Variants in HOMER1 observed in about 807,000 individuals in gnomAD.
HOMER1 encodes the protein homer scaffold protein 1.
HOMER1 carries 3 observed loss-of-function variants against 48.9 expected under a neutral mutation model. That is an observed-to-expected ratio of 0.06 (90% CI 0.03 to 0.16). HOMER1 has a LOEUF of 0.16. Ranked by LOEUF, HOMER1 falls within the 10% of genes least tolerant of loss-of-function variation. The pLI, the probability that HOMER1 is intolerant of heterozygous loss-of-function variation, is 1.00. For missense variants in HOMER1, 247 were observed against 411.4 expected (o/e 0.60, Z 3.46); for synonymous variants, 134 against 146.4 (o/e 0.92, Z 0.61).
chr5:79,468,930 G>A (rs1235157778), intron 1 of HOMER1, among the ~76,000 whole-genome samples: 1 of 152,162 alleles, frequency 6.6e-6, no homozygotes, highest in Non-Finnish European at 1.5e-5. Context: ...AGCTATTCAT[G>A]TATTTCTGGG....
At chr5:79,471,344 A>G (rs1751609261) in intron 1 of HOMER1, among the ~76,000 whole-genome samples, 1 of 151,928 alleles carries the variant, frequency 6.6e-6, no homozygotes, top group Non-Finnish European at 1.5e-5. Flanking sequence ...TCAGGAGTTC[A>G]AGACAGCCTG....
chr5:79,396,507 A>G (rs937880937), intron 8 of HOMER1, among the ~76,000 whole-genome samples: 1 of 151,920 alleles, frequency 6.6e-6, no homozygotes, highest in Non-Finnish European at 1.5e-5. Context: ...TCAGCATCCC[A>G]AAGTGCTGAA....
chr5:79,395,395 T>C (rs1749354227), intron 8 of HOMER1, among the ~76,000 whole-genome samples: 2 of 152,238 alleles, frequency 1.3e-5, no homozygotes, highest in African/African-American at 4.8e-5. Flanking sequence ...TGGCTTTGTC[T>C]ACTAGATATC....
intron 8 of HOMER1, among the ~76,000 whole-genome samples, chr5:79,379,095 TA>T (rs1748860020): frequency 1.7e-5 from 1 of 57,484 alleles, no homozygotes; most frequent in African/African-American, 1.3e-4. Flanking sequence ...TATATATATA[TA>T]TATATATATA....
intron 6 of HOMER1, among the ~76,000 whole-genome samples, chr5:79,399,238 AT>A (rs1272190741): frequency 6.6e-6 from 1 of 152,198 alleles, no homozygotes; most frequent in African/African-American, 2.4e-5. Context: ...ACTTTGGGTG[AT>A]TTCCACATCT....
chr5:79,450,876 C>T (rs13356332), intron 3 of HOMER1, 114 bp downstream of exon 3: 280,782 of 1,041,592 alleles, frequency 0.27, 39,023 homozygotes, highest in South Asian at 0.37. Flanking sequence ...ACTGCTGTTT[C>T]GAGAATATTA....
At chr5:79,447,612 TA>T in intron 3 of HOMER1, among the ~76,000 whole-genome samples, 1 of 152,322 alleles carries the variant, frequency 6.6e-6, no homozygotes, top group Middle Eastern at 3.4e-3. Context: ...GCATTTTCAG[TA>T]ATACAAATAG....
intron 5 of HOMER1, among the ~76,000 whole-genome samples, chr5:79,425,384 TA>T (rs1750218596): frequency 7.2e-6 from 1 of 139,542 alleles, no homozygotes; most frequent in Non-Finnish European, 1.5e-5. Context: ...AGAAAATTTT[TA>T]AAAAGTGGTA....
intron 5 of HOMER1, among the ~76,000 whole-genome samples, chr5:79,428,499 T>C (rs1698772091): frequency 6.6e-6 from 1 of 152,116 alleles, no homozygotes; most frequent in African/African-American, 2.4e-5. Context: ...GGAAGTAAAC[T>C]ATCTTTATTT....
At chr5:79,402,137 T>G in intron 5 of HOMER1, 82 bp from the exon 6 acceptor site, 1 of 1,118,846 alleles carries the variant, frequency 8.9e-7, no homozygotes, top group Non-Finnish European at 1.3e-6. Context: ...AGTTCTATTG[T>G]AGGGTTTATA....
intron 1 of HOMER1, among the ~76,000 whole-genome samples, chr5:79,475,241 C>G (rs532518004): frequency 6.6e-6 from 1 of 152,036 alleles, no homozygotes; most frequent in Non-Finnish European, 1.5e-5. Flanking sequence ...TATAACTGCT[C>G]AAGATGACAC....
chr5:79,474,372 T>A (rs1428319033), intron 1 of HOMER1, among the ~76,000 whole-genome samples: 2 of 152,156 alleles, frequency 1.3e-5, no homozygotes, highest in East Asian at 3.9e-4. Context: ...TTTCTAAGAC[T>A]AAATTCTTTC....
intron 5 of HOMER1, among the ~76,000 whole-genome samples, chr5:79,417,316 G>T (rs564267692): frequency 6.6e-6 from 1 of 152,198 alleles, no homozygotes; most frequent in African/African-American, 2.4e-5. Flanking sequence ...CTAATGTTTT[G>T]TATTTTTAGT....
At chr5:79,501,151 T>C (rs1752576359) in intron 1 of HOMER1, among the ~76,000 whole-genome samples, 1 of 150,822 alleles carries the variant, frequency 6.6e-6, no homozygotes, top group South Asian at 2.1e-4. Context: ...TTGTATTTTT[T>C]GTAAACACTG....
At chr5:79,453,824 A>C (rs948844116) in intron 2 of HOMER1, among the ~76,000 whole-genome samples, 6 of 152,178 alleles carry the variant, frequency 3.9e-5, no homozygotes, top group African/African-American at 1.4e-4. Flanking sequence ...TTTCCAACTC[A>C]ATCATGAAGA....
chr5:79,489,734 G>C (rs763973779), intron 1 of HOMER1, among the ~76,000 whole-genome samples: 4 of 151,926 alleles, frequency 2.6e-5, no homozygotes, highest in Non-Finnish European at 4.4e-5. Context: ...TATGATTATA[G>C]TAATTTTCTC....
intron 1 of HOMER1, among the ~76,000 whole-genome samples, chr5:79,507,742 G>A (rs575200272): frequency 6.6e-6 from 1 of 151,846 alleles, no homozygotes; most frequent in African/African-American, 2.4e-5. Context: ...GCAGTAGAGA[G>A]GTTAGACCTT....
At chr5:79,428,267 A>T (rs1580444634) in intron 5 of HOMER1, among the ~76,000 whole-genome samples, 1 of 152,194 alleles carries the variant, frequency 6.6e-6, no homozygotes, top group African/African-American at 2.4e-5. Flanking sequence ...CAAACACTGA[A>T]AAACTAGGAA....
chr5:79,425,690 T>A (rs1454281606), intron 5 of HOMER1, among the ~76,000 whole-genome samples: 1 of 152,038 alleles, frequency 6.6e-6, no homozygotes, highest in African/African-American at 2.4e-5. Flanking sequence ...ATAGTAGCAG[T>A]GTTCTTGGAC....
Sources: gnomAD v4.1 joint callset for allele counts (sites outside exome capture counted in the v4.1 genomes callset) on GRCh38, gnomAD v4.1.1 for gene constraint, MANE v1.5 for transcripts, NCBI Gene and HGNC (gene_info 2026-07-23, HGNC 2026-07-21) for gene names.